The following PPP1R8 variants were observed in gnomAD, a reference collection of about 807,000 sequenced individuals.
PPP1R8 encodes nuclear inhibitor of protein phosphatase 1.
A neutral mutation model predicts 31.3 loss-of-function variants in PPP1R8; 4 were observed. The ratio of observed to expected loss-of-function variants is 0.13; its 90% CI spans 0.06 to 0.29. The LOEUF (loss-of-function observed/expected upper bound fraction) is 0.29, where lower values mean the gene tolerates loss of function less well. Ranked by LOEUF, PPP1R8 falls within the 10% of genes least tolerant of loss-of-function variation. The pLI is 1.00. For synonymous variants in PPP1R8, 170 were observed against 169.7 expected, an observed-to-expected ratio of 1.00 and a Z score of -0.01; for missense variants, 254 against 440.1, an observed-to-expected ratio of 0.58 and a Z score of 3.78.
intron 1 of PPP1R8, among the ~76,000 whole-genome samples, chr1:27,831,738 C>G (rs1048238792): frequency 6.6e-6 from 1 of 152,102 alleles, no homozygotes; most frequent in Non-Finnish European, 1.5e-5. Context: ...CCTCCTTTTT[C>G]CTGGACAAAA....
chr1:27,830,811 G>A lies in PPP1R8; in HGVS notation c.-25G>A. On this transcript the variant is annotated 5_prime_UTR_variant, in exon 1 of 7. Transcript: ENST00000311772. ...CAGTTTCCCGGCGTGCTTAGGGCGC[G>A]CCAAATGGGAGGGGGAGACGCAAGA... The A allele has an allele frequency of 6.4e-7, 1 of 1,567,418 alleles. No homozygotes were observed. The highest frequency in any genetic ancestry group is 8.6e-7 in the Non-Finnish European group (1 of 1,157,146).
chr1:27,842,354 AAAAAAAG>A (rs996695443), intron 4 of PPP1R8, among the ~76,000 whole-genome samples: 3 of 152,036 alleles, frequency 2.0e-5, no homozygotes, highest in African/African-American at 7.2e-5. Context: ...AAAAAAAAAA[AAAAAAAG>A]AGAAATTTTA....
intron 2 of PPP1R8, among the ~76,000 whole-genome samples, chr1:27,838,246 G>T (rs888683751): frequency 6.6e-6 from 1 of 151,750 alleles, no homozygotes; most frequent in Non-Finnish European, 1.5e-5. Context: ...TGAACGTGGT[G>T]GTGCACGCCT....
intron 2 of PPP1R8, among the ~76,000 whole-genome samples, chr1:27,833,287 A>G (rs2089130197): frequency 1.3e-5 from 2 of 152,236 alleles, no homozygotes; most frequent in Admixed American, 1.3e-4. Flanking sequence ...AAATTCATTA[A>G]TTGATTCTTT....
chr1:27,835,228 A>G (rs943442058), intron 2 of PPP1R8, among the ~76,000 whole-genome samples: 2 of 152,156 alleles, frequency 1.3e-5, no homozygotes, highest in African/African-American at 4.8e-5. Context: ...CTTCAGCACA[A>G]TCTGTGAGCA....
At chr1:27,848,568 A>G (rs1167948640) in intron 6 of PPP1R8, among the ~76,000 whole-genome samples, 1 of 152,178 alleles carries the variant, frequency 6.6e-6, no homozygotes, top group East Asian at 1.9e-4. Context: ...GTGATTAGAA[A>G]ATGCTGGTTA....
chr1:27,842,506 T>G (rs1052886442), intron 4 of PPP1R8, among the ~76,000 whole-genome samples: 1 of 152,186 alleles, frequency 6.6e-6, no homozygotes, highest in African/African-American at 2.4e-5. Flanking sequence ...TGTTAGGTAC[T>G]CCCTGGATCT....
At chr1:27,831,833 G>A (rs1031636308) in intron 1 of PPP1R8, among the ~76,000 whole-genome samples, 41 of 152,312 alleles carry the variant, frequency 2.7e-4, no homozygotes, top group Admixed American at 1.9e-3. Context: ...TCTTCAGTTA[G>A]CTAGACAAGG....
intron 5 of PPP1R8, among the ~76,000 whole-genome samples, chr1:27,846,038 C>T (rs1271999713): frequency 6.6e-6 from 1 of 152,094 alleles, no homozygotes; most frequent in Non-Finnish European, 1.5e-5. Flanking sequence ...GATCTGCCCA[C>T]CTCGGCCTCC....
In PPP1R8 at chr1:27,832,781, C is replaced by T. The variant is rs1416071710; in HGVS notation, c.82C>T (p.His28Tyr). The change falls in exon 2 of 7, where the codon CAT becomes TAT. Residue 28 changes from histidine (H) to tyrosine (Y), a missense_variant. His to Tyr is a moderately conservative substitution (Grantham distance 83). Around this residue, in one of 6 missense-constraint regions of PPP1R8, gnomAD observed 52 missense variants for 145.3 expected, o/e 0.36. Transcript: ENST00000311772. ...GGCAGGTAAGCCCCCTCCCGGTTTA[C>T]ATCTGGATGTAGTCAAAGGAGACAA... Reference protein sequence around the residue: ...TWAGKPPPGLHLDVVKGDKLI... With the variant: ...TWAGKPPPGLYLDVVKGDKLI... 1.2e-6 allele frequency: 2 copies of T among 1,611,496 alleles called. No individual in the cohort carries two copies. Among genetic ancestry groups the T allele is most frequent in the Non-Finnish European group, 1.7e-6 (2 of 1,178,782 alleles).
chr1:27,835,109 T>G (rs556355596), intron 2 of PPP1R8, among the ~76,000 whole-genome samples: 130 of 152,252 alleles, frequency 8.5e-4, no homozygotes, highest in African/African-American at 2.9e-3. Context: ...TCTTTTTTTT[T>G]CCTCTCAAAG....
At chr1:27,848,411 A>C (rs1199546209) in intron 6 of PPP1R8, among the ~76,000 whole-genome samples, 1 of 152,184 alleles carries the variant, frequency 6.6e-6, no homozygotes. Context: ...TAAATAAAAA[A>C]GATTGTATGT....
In PPP1R8 at chr1:27,843,132, C is replaced by T. The variant is rs565505177; in HGVS notation, c.493-54C>T. ...CACCTTTATTTAGTATGATTTTCTC[C>T]ATCAGATTCCCTTTGTACTGACTGC... On this transcript the variant is annotated intron_variant, in intron 4 of 6. Coordinates refer to ENST00000311772, the MANE Select transcript of PPP1R8 (RefSeq NM_014110.5). The T allele has an allele frequency of 2.5e-6, 4 of 1,600,440 alleles. No individual in the cohort carries two copies. In the Admixed American group the frequency reaches 6.8e-5, roughly 27 times the overall value.
intron 2 of PPP1R8, among the ~76,000 whole-genome samples, chr1:27,836,714 G>A (rs977182323): frequency 3.0e-4 from 45 of 151,592 alleles, no homozygotes; most frequent in Non-Finnish European, 5.3e-4. Context: ...CACCGCACCC[G>A]GCCAGCAAGT....
At chr1:27,842,630 A>G (rs552395638) in intron 4 of PPP1R8, among the ~76,000 whole-genome samples, 1 of 152,148 alleles carries the variant, frequency 6.6e-6, no homozygotes, top group Non-Finnish European at 1.5e-5. Context: ...AATTATTGAG[A>G]TAGTTATGAA....
At chr1:27,845,582 A>G (rs1349274758) in intron 5 of PPP1R8, among the ~76,000 whole-genome samples, 1 of 151,966 alleles carries the variant, frequency 6.6e-6, no homozygotes, top group East Asian at 1.9e-4. Context: ...TCTCGTCTAT[A>G]TAGAAGCCAT....
At chr1:27,838,877 A>G in intron 3 of PPP1R8, 25 bp downstream of exon 3, 2 of 1,531,270 alleles carry the variant, frequency 1.3e-6, no homozygotes, top group East Asian at 2.3e-5. Context: ...CCCAATTCAC[A>G]TGTTACCTTT....
intron 6 of PPP1R8, among the ~76,000 whole-genome samples, chr1:27,848,041 A>G (rs767611112): frequency 2.6e-5 from 4 of 152,210 alleles, no homozygotes; most frequent in Non-Finnish European, 5.9e-5. Flanking sequence ...ACAGTTTGCC[A>G]TGCCTTTATT....
At chr1:27,831,439 A>G in intron 1 of PPP1R8, 1 of 849,744 alleles carries the variant, frequency 1.2e-6, no homozygotes, top group Non-Finnish European at 1.4e-6. Flanking sequence ...AATGGTTGGC[A>G]TGAACCCTTT....
Sources: allele counts gnomAD v4.1 joint callset (sites outside exome capture counted in the v4.1 genomes callset), GRCh38; gene constraint gnomAD v4.1.1; regional missense constraint gnomAD v4.1.1; transcripts MANE v1.5; gene names NCBI Gene and HGNC (gene_info 2026-07-23, HGNC 2026-07-21).